NRG1: variants seen among roughly 807,000 people sequenced by gnomAD.
NRG1 encodes pro-neuregulin-1, membrane-bound isoform.
NRG1 carries 18 observed loss-of-function variants against 63.8 expected under a neutral mutation model. The ratio of observed to expected loss-of-function variants is 0.28; its 90% CI spans 0.19 to 0.42. The LOEUF (loss-of-function observed/expected upper bound fraction) is 0.42, where lower values mean the gene tolerates loss of function less well. Ranked by LOEUF, NRG1 falls within the 10% of genes least tolerant of loss-of-function variation. The pLI, the probability that NRG1 is intolerant of heterozygous loss-of-function variation, is 1.00. For missense variants in NRG1, 762 were observed against 814.7 expected (o/e 0.94, Z 0.79); for synonymous variants, 302 against 301.3 (o/e 1.00, Z -0.02).
chr8:31,853,579 T>C (rs1252656589), intron 1 of NRG1, among the ~76,000 whole-genome samples: 8 of 151,052 alleles, frequency 5.3e-5, no homozygotes, highest in Non-Finnish European at 1.0e-4. Context: ...TGACTTCCTC[T>C]TTTCCTAATT....
At chr8:31,935,567 T>TCC (rs1835233552) in intron 1 of NRG1, among the ~76,000 whole-genome samples, 3 of 152,214 alleles carry the variant, frequency 2.0e-5, no homozygotes, top group Non-Finnish European at 4.4e-5. Flanking sequence ...TCTCATTGTT[T>TCC]TCCATCTGAC....
chr8:31,918,069 C>A (rs1453199838), intron 1 of NRG1, among the ~76,000 whole-genome samples: 2 of 152,244 alleles, frequency 1.3e-5, no homozygotes, highest in African/African-American at 4.8e-5. Context: ...TGAGACTTTG[C>A]TGAAGTTGCT....
chr8:32,346,752 T>C (rs1223000976), intron 1 of NRG1, among the ~76,000 whole-genome samples: 1 of 152,138 alleles, frequency 6.6e-6, no homozygotes, highest in Non-Finnish European at 1.5e-5. Context: ...GGGGTACATG[T>C]GATATTTTGA....
At chr8:32,723,468 C>A (rs1343815978) in intron 5 of NRG1, among the ~76,000 whole-genome samples, 1 of 151,562 alleles carries the variant, frequency 6.6e-6, no homozygotes, top group African/African-American at 2.4e-5. Flanking sequence ...GATCACGAGG[C>A]CAAGAGATGG....
chr8:31,954,184 C>T (rs1318668666), intron 1 of NRG1, among the ~76,000 whole-genome samples: 1 of 152,166 alleles, frequency 6.6e-6, no homozygotes, highest in Non-Finnish European at 1.5e-5. Flanking sequence ...AATCACAGCC[C>T]TGGAGCTGGA....
rs1225982679 is a variant in NRG1, at chr8:32,387,134, TA to T, written c.38-208690del. Reference sequence around the variant, plus strand: ...AGTAACATAGGTAGTTTTCAGATTTTAAAAGCAATTTTCAGTAAATACAAGT... The same window carrying T: ...AGTAACATAGGTAGTTTTCAGATTTTAAAGCAATTTTCAGTAAATACAAGT... On this transcript the variant is annotated intron_variant, in intron 1 of 10. Coordinates refer to the NRG1 transcript ENST00000519301. Among the ~76,000 whole-genome samples, 7 of 152,282 alleles carry T rather than the reference TA, an allele frequency of 4.6e-5. No individual in the cohort carries two copies. The East Asian group carries it at 1.4e-3, about 29-fold the overall frequency.
chr8:31,702,014 G>C (rs577281748), intron 1 of NRG1, among the ~76,000 whole-genome samples: 37 of 152,158 alleles, frequency 2.4e-4, no homozygotes, highest in Non-Finnish European at 4.6e-4. Context: ...GGCCCAAAAA[G>C]TGTTTTAGGA....
At chr8:31,854,829 T>A (rs1827670781) in intron 1 of NRG1, among the ~76,000 whole-genome samples, 1 of 152,160 alleles carries the variant, frequency 6.6e-6, no homozygotes, top group Non-Finnish European at 1.5e-5. Flanking sequence ...TCTCGTTGGT[T>A]TCAAAGAACA....
At chr8:32,768,769 G>A (rs1046929448), downstream of NRG1, among the ~76,000 whole-genome samples, 1 of 152,202 alleles carries the variant, frequency 6.6e-6, no homozygotes, top group African/African-American at 2.4e-5. Flanking sequence ...CTTCTGAAGT[G>A]TATGAAGTAA....
intron 1 of NRG1, among the ~76,000 whole-genome samples, chr8:31,945,213 G>A (rs1230373643): frequency 6.6e-6 from 1 of 152,188 alleles, no homozygotes; most frequent in African/African-American, 2.4e-5. Context: ...GATATGTTTG[G>A]ATATTTTCCA....
In NRG1 at chr8:32,397,151, G is replaced by A. The variant is rs139730515; in HGVS notation, c.38-198677G>A. Among the ~76,000 whole-genome samples the A allele has an allele frequency of 3.0e-3, 450 of 152,202 alleles. 3 individuals carry two copies. The highest frequency in any genetic ancestry group is 0.01 in the African/African-American group (430 of 41,524). ...AGATAGATAGGTAGATAGATACATA[G>A]ATAGATAATCTATAGATATCTAATG... On this transcript the variant is annotated intron_variant, in intron 1 of 10. Coordinates refer to the NRG1 transcript ENST00000519301.
At chr8:32,497,150 A>G (rs1480640296) in intron 1 of NRG1, among the ~76,000 whole-genome samples, 1 of 152,148 alleles carries the variant, frequency 6.6e-6, no homozygotes, top group Non-Finnish European at 1.5e-5. Context: ...AATTTATCAG[A>G]AATAGCAAAA....
chr8:31,702,916 C>A (rs1053429368), intron 1 of NRG1, among the ~76,000 whole-genome samples: 2 of 151,720 alleles, frequency 1.3e-5, no homozygotes, highest in African/African-American at 4.8e-5. Context: ...ACAAGGCCTG[C>A]AGTATAGATG....
chr8:32,323,777 T>C (rs1297501554), intron 1 of NRG1, among the ~76,000 whole-genome samples: 1 of 152,162 alleles, frequency 6.6e-6, no homozygotes, highest in Non-Finnish European at 1.5e-5. Context: ...TCCTGAGGAG[T>C]CAAAGGGTTG....
chr8:31,903,440 C>A (rs1444983913), intron 1 of NRG1, among the ~76,000 whole-genome samples: 1 of 151,694 alleles, frequency 6.6e-6, no homozygotes, highest in East Asian at 2.0e-4. Context: ...TGAGCCACCG[C>A]GCCCGGCCGA....
intron 1 of NRG1, among the ~76,000 whole-genome samples, chr8:31,743,366 A>G (rs573693187): frequency 4.4e-4 from 67 of 152,100 alleles, no homozygotes; most frequent in African/African-American, 1.5e-3. Context: ...TCAGAGTTCA[A>G]TGAGTTCAAG....
intron 1 of NRG1, among the ~76,000 whole-genome samples, chr8:32,442,134 T>C (rs754483910): frequency 2.6e-5 from 4 of 152,216 alleles, no homozygotes; most frequent in Non-Finnish European, 4.4e-5. Context: ...CTCCATCATT[T>C]CCATCTGACT....
intron 1 of NRG1, among the ~76,000 whole-genome samples, chr8:32,305,958 C>A (rs533517326): frequency 1.3e-5 from 2 of 152,154 alleles, no homozygotes; most frequent in Non-Finnish European, 2.9e-5. Flanking sequence ...CTTCTCTGAG[C>A]CTCTTTTCTT....
chr8:32,232,666 T>G (rs190053744), intron 1 of NRG1, among the ~76,000 whole-genome samples: 3 of 152,144 alleles, frequency 2.0e-5, no homozygotes, highest in African/African-American at 7.2e-5. Context: ...GTCATGAAAT[T>G]TCCTTAACTG....
Sources: gnomAD v4.1 joint callset for allele counts (sites outside exome capture counted in the v4.1 genomes callset) on GRCh38, gnomAD v4.1.1 for gene constraint, MANE v1.5 for transcripts, NCBI Gene and HGNC (gene_info 2026-07-23, HGNC 2026-07-21) for gene names.